The following FAM107B variants were observed in gnomAD, a reference collection of about 807,000 sequenced individuals.
The protein encoded by FAM107B is protein FAM107B.
In FAM107B, 21 loss-of-function variants were observed where a neutral mutation model predicts 31.5. The ratio of observed to expected loss-of-function variants is 0.67; its 90% CI spans 0.47 to 0.96. FAM107B has a LOEUF of 0.96. FAM107B is among the 40% of genes least tolerant of loss of function. FAM107B has a pLI of 0.00. For missense variants in FAM107B, 452 were observed against 377.1 expected (o/e 1.20, Z -1.64); for synonymous variants, 157 against 141.5 (o/e 1.11, Z -0.78).
chr10:14,624,806 A>G (rs1853114101), intron 2 of FAM107B, among the ~76,000 whole-genome samples: 1 of 152,248 alleles, frequency 6.6e-6, no homozygotes, highest in Non-Finnish European at 1.5e-5. Flanking sequence ...AATCAATAAT[A>G]CAGAGGTCTG....
intron 2 of FAM107B, among the ~76,000 whole-genome samples, chr10:14,659,155 C>T (rs1199108776): frequency 6.6e-6 from 1 of 152,020 alleles, no homozygotes; most frequent in Non-Finnish European, 1.5e-5. Flanking sequence ...AAACTGTCTG[C>T]CCTGGCTGGG....
At chr10:14,523,867 C>CTTTT (rs1169705257) in intron 3 of FAM107B, among the ~76,000 whole-genome samples, 1 of 138,620 alleles carries the variant, frequency 7.2e-6, no homozygotes. Context: ...TATATTCCAT[C>CTTTT]TTTTTTTTTT....
intron 1 of FAM107B, among the ~76,000 whole-genome samples, chr10:14,727,315 A>T (rs746787356): frequency 2.0e-5 from 3 of 152,192 alleles, no homozygotes; most frequent in Non-Finnish European, 4.4e-5. Flanking sequence ...CCTAACCTTC[A>T]AAAACAGGTG....
At chr10:14,732,414 G>A (rs1856194865) in intron 1 of FAM107B, among the ~76,000 whole-genome samples, 1 of 152,188 alleles carries the variant, frequency 6.6e-6, no homozygotes, top group African/African-American at 2.4e-5. Flanking sequence ...TTTAATGTTG[G>A]TTCGGCCATT....
At chr10:14,745,489 T>C (rs1486210951) in intron 1 of FAM107B, among the ~76,000 whole-genome samples, 1 of 152,164 alleles carries the variant, frequency 6.6e-6, no homozygotes, top group Non-Finnish European at 1.5e-5. Flanking sequence ...CCAGAAATTC[T>C]GGTATATTGT....
rs369321562 is a variant in FAM107B, at chr10:14,767,024, GTATATATATA to G, written c.411+7219_411+7228del. Among the ~76,000 whole-genome samples the G allele has an allele frequency of 3.0e-3, 48 of 16,232 alleles. 1 individual carries two copies. Among genetic ancestry groups the G allele is most frequent in the Admixed American group, 5.6e-3 (4 of 712 alleles). The allele number at this position is 16,232 out of a possible 152,430, so 10.6% of individuals were successfully genotyped here. A position where few individuals can be genotyped will look rare whatever the true frequency, so the allele number is the denominator to read the frequency against. On this transcript the variant is annotated intron_variant, in intron 1 of 4. Coordinates refer to ENST00000181796, the MANE Select transcript of FAM107B (RefSeq NM_031453.4). ...GCAGAACAATATCCCTGATGTGTAT[GTATATATATA>G]TATATATATATATATATATATAGAG...
At chr10:14,706,912 G>T (rs1855533260) in intron 1 of FAM107B, among the ~76,000 whole-genome samples, 1 of 152,184 alleles carries the variant, frequency 6.6e-6, no homozygotes, top group South Asian at 2.1e-4. Context: ...AGATCACGAG[G>T]TCAGGAGATC....
chr10:14,613,660 C>T (rs1852781587), intron 2 of FAM107B, among the ~76,000 whole-genome samples: 1 of 152,212 alleles, frequency 6.6e-6, no homozygotes, highest in Admixed American at 6.5e-5. Flanking sequence ...GGCCCACAGA[C>T]ACACAATCCT....
chr10:14,622,242 G>A (rs1853029778), intron 2 of FAM107B, among the ~76,000 whole-genome samples: 1 of 151,946 alleles, frequency 6.6e-6, no homozygotes, highest in Non-Finnish European at 1.5e-5. Context: ...AGAGGAGACA[G>A]ACATTGGAGC....
At chr10:14,598,461 T>C (rs1852259569) in intron 2 of FAM107B, among the ~76,000 whole-genome samples, 1 of 152,108 alleles carries the variant, frequency 6.6e-6, no homozygotes, top group African/African-American at 2.4e-5. Context: ...GAAGGACAAA[T>C]ACCATGTGAC....
chr10:14,774,817 C>G lies in FAM107B; in HGVS notation c.-154G>C. The G allele has an allele frequency of 3.6e-6, 3 of 826,892 alleles. No individual in the cohort carries two copies. In the East Asian group the frequency reaches 8.1e-5, roughly 22 times the overall value. 51.2% of individuals were successfully genotyped at this position (826,892 alleles called of 1,614,324 possible). A position where few individuals can be genotyped will look rare whatever the true frequency, so the allele number is the denominator to read the frequency against. On this transcript the variant is annotated 5_prime_UTR_variant, in exon 1 of 5. Transcript: ENST00000181796. ...CTAAATAGAAGTTGGGATGGCAAGGCCACCTTCCCTGAGAGTCACTTAGCC... is the reference window on the plus strand; with the variant it reads ...CTAAATAGAAGTTGGGATGGCAAGGGCACCTTCCCTGAGAGTCACTTAGCC...
At chr10:14,534,456 C>A (rs1364558915) in intron 2 of FAM107B, among the ~76,000 whole-genome samples, 2 of 152,122 alleles carry the variant, frequency 1.3e-5, no homozygotes, top group African/African-American at 4.8e-5. Flanking sequence ...CCATCCTGCT[C>A]ACTGCTACCA....
chr10:14,583,614 C>T (rs542490267), intron 2 of FAM107B, among the ~76,000 whole-genome samples: 6 of 152,238 alleles, frequency 3.9e-5, no homozygotes, highest in Admixed American at 1.3e-4. Flanking sequence ...CACCCCACCC[C>T]AGTCCTAAAG....
At chr10:14,576,819 TGAAAACCTA>T (rs1430260248) in intron 2 of FAM107B, among the ~76,000 whole-genome samples, 3 of 152,128 alleles carry the variant, frequency 2.0e-5, no homozygotes, top group African/African-American at 7.2e-5. Context: ...AGAATACCAA[TGAAAACCTA>T]GTTAAGAACA....
intron 1 of FAM107B, among the ~76,000 whole-genome samples, chr10:14,751,836 AC>A (rs1338230932): frequency 6.6e-6 from 1 of 152,064 alleles, no homozygotes; most frequent in Admixed American, 6.5e-5. Context: ...ACGCACCGAG[AC>A]TGAAGCCCAG....
intron 2 of FAM107B, among the ~76,000 whole-genome samples, chr10:14,657,273 G>A (rs940617336): frequency 1.3e-5 from 2 of 152,196 alleles, no homozygotes; most frequent in African/African-American, 4.8e-5. Flanking sequence ...TGAATGACAG[G>A]GTTTCCAAAC....
chr10:14,748,002 C>G (rs1258243673), intron 1 of FAM107B, among the ~76,000 whole-genome samples: 1 of 152,224 alleles, frequency 6.6e-6, no homozygotes, highest in South Asian at 2.1e-4. Flanking sequence ...CTGAAACACA[C>G]TCACCCTCCT....
At chr10:14,578,828 G>A (rs12254830) in intron 2 of FAM107B, among the ~76,000 whole-genome samples, 4,041 of 152,266 alleles carry the variant, frequency 0.027, 70 homozygotes, top group East Asian at 0.087. Flanking sequence ...AAACAATGAC[G>A]ATCAAATTTT....
At chr10:14,667,234 A>G (rs985670694) in intron 2 of FAM107B, among the ~76,000 whole-genome samples, 3 of 152,228 alleles carry the variant, frequency 2.0e-5, no homozygotes, top group African/African-American at 7.2e-5. Flanking sequence ...ATACTTGACC[A>G]TACACAAACA....
Sources: gnomAD v4.1 joint callset for allele counts (sites outside exome capture counted in the v4.1 genomes callset) on GRCh38, gnomAD v4.1.1 for gene constraint, MANE v1.5 for transcripts, NCBI Gene and HGNC (gene_info 2026-07-23, HGNC 2026-07-21) for gene names.